PRELID2: variants seen among roughly 807,000 people sequenced by gnomAD.
PRELID2 encodes the protein PRELI domain containing 2.
PRELID2 carries 25 observed loss-of-function variants against 28.4 expected under a neutral mutation model. That is an observed-to-expected ratio of 0.88 (90% CI 0.64 to 1.23). PRELID2 has a LOEUF of 1.23. PRELID2 is among the 50% of genes most tolerant of loss of function. The probability of loss-of-function intolerance (pLI) is 0.00; values close to 1 mark genes in which losing one functional copy is unlikely to be tolerated. For synonymous variants in PRELID2, 76 were observed against 71.6 expected, an observed-to-expected ratio of 1.06 and a Z score of -0.31; for missense variants, 201 against 214.4, an observed-to-expected ratio of 0.94 and a Z score of 0.39.
At chr5:145,610,636 A>G (rs57017606) in intron 1 of PRELID2, among the ~76,000 whole-genome samples, 5,698 of 152,242 alleles carry the variant, frequency 0.037, 320 homozygotes, top group African/African-American at 0.13. Flanking sequence ...TGAGACAGAA[A>G]TTAGTACCTA....
the PRELID2 span, among the ~76,000 whole-genome samples, chr5:145,323,137 C>A: frequency 2.6e-3 from 389 of 151,584 alleles, 2 homozygotes; most frequent in African/African-American, 9.1e-3. Flanking sequence ...AAGAAAAAGC[C>A]AGTATGGGAA....
rs1347448960 is a variant in PRELID2 at position 145,835,175 on chromosome 5, A to T, written c.75+2T>A. 6.5e-7 allele frequency: 1 copy of T among 1,546,244 alleles called. No individual in the cohort carries two copies. The highest frequency in any genetic ancestry group is 8.7e-7 in the Non-Finnish European group (1 of 1,142,976). On this transcript the variant is annotated splice_donor_variant, in intron 1 of 6. Transcript: ENST00000683046. LOFTEE classifies it high-confidence loss of function. The stretch of plus-strand genomic sequence containing the variant: ...ATACGGAAGGTGGAAGCGGGGCGGT[A>T]CCTTTCGGAGAAAGCTGGCGACCAC...
At chr5:145,655,273 T>A (rs1182911426) in intron 1 of PRELID2, among the ~76,000 whole-genome samples, 1 of 152,076 alleles carries the variant, frequency 6.6e-6, no homozygotes, top group Non-Finnish European at 1.5e-5. Context: ...TGGAAGAACA[T>A]TCCATGCTCA....
At chr5:145,821,457 C>A (rs1210144050) in intron 2 of PRELID2, among the ~76,000 whole-genome samples, 1 of 152,002 alleles carries the variant, frequency 6.6e-6, no homozygotes, top group East Asian at 1.9e-4. Flanking sequence ...GGTGAAGTTT[C>A]CAGAATTAAG....
chr5:145,266,196 G>A, the PRELID2 span, among the ~76,000 whole-genome samples: 3 of 151,864 alleles, frequency 2.0e-5, no homozygotes, highest in Non-Finnish European at 4.4e-5. Flanking sequence ...GGGATGTTGG[G>A]GAAGCTACTG....
intron 1 of PRELID2, among the ~76,000 whole-genome samples, chr5:145,495,934 C>T (rs769472763): frequency 5.9e-5 from 9 of 152,046 alleles, no homozygotes; most frequent in African/African-American, 9.7e-5. Context: ...TGTGAGTCAC[C>T]GGAGAATGAG....
chr5:145,413,699 C>T, the PRELID2 span, among the ~76,000 whole-genome samples: 3 of 151,682 alleles, frequency 2.0e-5, no homozygotes, highest in Admixed American at 6.6e-5. Context: ...TACTCATCCC[C>T]CACCCCCTTC....
intron 1 of PRELID2, among the ~76,000 whole-genome samples, chr5:145,580,023 A>G (rs371800263): frequency 6.6e-6 from 1 of 152,086 alleles, no homozygotes; most frequent in East Asian, 1.9e-4. Flanking sequence ...TCCAAATAAG[A>G]TTCTATTCCT....
intron 1 of PRELID2, among the ~76,000 whole-genome samples, chr5:145,491,499 A>G (rs2126626984): frequency 6.6e-6 from 1 of 152,306 alleles, no homozygotes; most frequent in East Asian, 1.9e-4. Context: ...GAATGACTAA[A>G]TCTAGCTAAT....
At chr5:145,377,563 A>G in the PRELID2 span, among the ~76,000 whole-genome samples, 7 of 152,170 alleles carry the variant, frequency 4.6e-5, no homozygotes, top group African/African-American at 1.7e-4. Context: ...TTGGTTGCAT[A>G]TATATTTAAG....
chr5:145,421,034 T>G, the PRELID2 span, among the ~76,000 whole-genome samples: 1 of 149,546 alleles, frequency 6.7e-6, no homozygotes, highest in Admixed American at 6.6e-5. Flanking sequence ...CTGGATTACA[T>G]TTATTGATTT....
intron 1 of PRELID2, among the ~76,000 whole-genome samples, chr5:145,583,211 T>G (rs1049241211): frequency 6.6e-6 from 1 of 152,134 alleles, no homozygotes; most frequent in African/African-American, 2.4e-5. Flanking sequence ...TCTCAATAGA[T>G]GTAGAAAAGT....
chr5:145,475,617 C>T (rs887976058), intron 1 of PRELID2, among the ~76,000 whole-genome samples: 2 of 152,062 alleles, frequency 1.3e-5, no homozygotes, highest in African/African-American at 4.8e-5. Context: ...AAAAAGTTGA[C>T]CAAGATGTTT....
intron 1 of PRELID2, among the ~76,000 whole-genome samples, chr5:145,678,372 G>A (rs1031104263): frequency 1.3e-5 from 2 of 152,124 alleles, no homozygotes; most frequent in African/African-American, 4.8e-5. Flanking sequence ...GAAATGCTTC[G>A]TACTTCTCTT....
Position 145,640,041 on chromosome 5 carries a change from G to A in PRELID2, n.70+124890C>T, listed in dbSNP as rs183034007. 3.6e-3 allele frequency among the ~76,000 whole-genome samples: 554 copies of A among 152,074 alleles called. 2 individuals are homozygous for A. Among genetic ancestry groups the A allele is most frequent in the African/African-American group, 0.012 (491 of 41,488 alleles). On this transcript the variant is annotated intron_variant and non_coding_transcript_variant, in intron 1 of 2. Transcript: ENST00000510259. The stretch of plus-strand genomic sequence containing the variant: ...TGGCATTTGTCATTATATTCACATT[G>A]GTGGGGTTTTTTTTAATATTCAGTA...
the PRELID2 span, among the ~76,000 whole-genome samples, chr5:145,415,262 A>T: frequency 0.64 from 97,244 of 151,244 alleles, 32,052 homozygotes; most frequent in Non-Finnish European, 0.71. Flanking sequence ...TTTGTTTTTT[A>T]TTTTATTTTC....
the PRELID2 span, among the ~76,000 whole-genome samples, chr5:145,298,590 T>G: frequency 2.0e-5 from 3 of 152,112 alleles, no homozygotes; most frequent in Non-Finnish European, 2.9e-5. Context: ...AGGGACAAGT[T>G]TGGGCCCCTT....
the PRELID2 span, among the ~76,000 whole-genome samples, chr5:145,297,803 C>T: frequency 6.6e-6 from 1 of 152,020 alleles, no homozygotes; most frequent in Non-Finnish European, 1.5e-5. Context: ...ACAAAAATCA[C>T]AAGCATTCTT....
the PRELID2 span, among the ~76,000 whole-genome samples, chr5:145,261,249 C>T: frequency 2.0e-5 from 3 of 152,212 alleles, no homozygotes; most frequent in African/African-American, 7.2e-5. Flanking sequence ...AGACAAAGGA[C>T]ACAATCTCTT....
Sources: allele counts gnomAD v4.1 joint callset (sites outside exome capture counted in the v4.1 genomes callset), GRCh38; gene constraint gnomAD v4.1.1; transcripts MANE v1.5; gene names NCBI Gene and HGNC (gene_info 2026-07-23, HGNC 2026-07-21).